IQGAP2: variants seen among roughly 807,000 people sequenced by gnomAD.
IQGAP2 encodes IQ motif containing GTPase activating protein 2, also known as ras GTPase-activating-like protein IQGAP2.
In IQGAP2, 173 loss-of-function variants were observed where a neutral mutation model predicts 201.3. That is an observed-to-expected ratio of 0.86 (90% CI 0.76 to 0.98). The LOEUF is 0.98. IQGAP2 is among the 50% of genes least tolerant of loss of function. The pLI is 0.00. For missense variants in IQGAP2, 1,687 were observed against 1,864.8 expected (o/e 0.90, Z 1.76); for synonymous variants, 675 against 673.9 (o/e 1.00, Z -0.03).
At chr5:76,496,356 G>A (rs1756890151) in intron 2 of IQGAP2, among the ~76,000 whole-genome samples, 1 of 152,132 alleles carries the variant, frequency 6.6e-6, no homozygotes, top group Non-Finnish European at 1.5e-5. Context: ...CTCATGTGGC[G>A]GTCAGCAACA....
chr5:76,582,918 G>A (rs1042058238), intron 5 of IQGAP2, among the ~76,000 whole-genome samples: 8 of 152,208 alleles, frequency 5.3e-5, no homozygotes, highest in South Asian at 2.1e-4. Context: ...TCAATGAGTC[G>A]GTAGCTACCT....
At chr5:76,469,450 CA>C (rs1237330626) in intron 2 of IQGAP2, among the ~76,000 whole-genome samples, 1 of 151,456 alleles carries the variant, frequency 6.6e-6, no homozygotes, top group Non-Finnish European at 1.5e-5. Context: ...AGCTGGAATG[CA>C]GTGCAGTGGT....
At chr5:76,448,113 C>T (rs1304361885) in intron 1 of IQGAP2, among the ~76,000 whole-genome samples, 2 of 152,172 alleles carry the variant, frequency 1.3e-5, no homozygotes, top group Non-Finnish European at 2.9e-5. Flanking sequence ...AGTCAGACTG[C>T]TGCATGGCTG....
Position 76,698,110 on chromosome 5 carries a change from A to G in IQGAP2, c.4330A>G (p.Thr1444Ala), listed in dbSNP as rs768104807. ...TGAAGAGCAAATCAATTATTATGAC[A>G]CCTACATAAAGACTTGTTTAGACAA... ...FYEEQINYYD[T>A]YIKTCLDNLK... The change falls in exon 33 of 36, where the codon ACC becomes GCC. Residue 1444 changes from threonine (T) to alanine (A), a missense_variant. Physicochemically the swap from Thr to Ala is moderately conservative, Grantham distance 58 (BLOSUM62 0). Coordinates refer to ENST00000274364, the MANE Select transcript of IQGAP2 (RefSeq NM_006633.5). 10 of 1,607,982 alleles carry G rather than the reference A, an allele frequency of 6.2e-6. No homozygotes were observed. Among genetic ancestry groups the G allele is most frequent in the Non-Finnish European group, 7.7e-6 (9 of 1,174,992 alleles).
At chr5:76,490,987 C>CTT (rs767214200) in intron 2 of IQGAP2, among the ~76,000 whole-genome samples, 40 of 112,988 alleles carry the variant, frequency 3.5e-4, no homozygotes, top group African/African-American at 6.4e-4. Context: ...AGATTTTCAT[C>CTT]TTTTTTTTTT....
chr5:76,414,959 G>T (rs1751332632), intron 1 of IQGAP2, among the ~76,000 whole-genome samples: 1 of 152,188 alleles, frequency 6.6e-6, no homozygotes, highest in Non-Finnish European at 1.5e-5. Context: ...CTCTGAAAAC[G>T]TGTACCTTTC....
intron 2 of IQGAP2, among the ~76,000 whole-genome samples, chr5:76,552,901 C>T (rs1466342003): frequency 6.6e-6 from 1 of 152,126 alleles, no homozygotes; most frequent in African/African-American, 2.4e-5. Context: ...TGATTCTTTT[C>T]ATGGTATTGT....
At chr5:76,458,590 A>G (rs1754233685) in intron 1 of IQGAP2, among the ~76,000 whole-genome samples, 1 of 152,180 alleles carries the variant, frequency 6.6e-6, no homozygotes. Context: ...GTGTGTAGTT[A>G]GAAAGTCAGT....
Position 76,641,079 on chromosome 5 carries a change from AG to A in IQGAP2, c.2071del (p.Glu691LysfsTer35), listed in dbSNP as rs1561540865. 6.2e-7 allele frequency: 1 copy of A among 1,604,152 alleles called. No homozygotes were observed. Among genetic ancestry groups the A allele is most frequent in the Non-Finnish European group, 8.5e-7 (1 of 1,171,882 alleles). ...CTAGAAAATCATTTTTGCATGAACA[AG>A]AAGAGAATGTGGTCAAAATACAGGT... ...EARKSFLHEQ[E>X]ENVVKIQAFW... is the part of the protein sequence containing the mutation. On this transcript the variant is annotated frameshift_variant, in exon 17 of 36. Coordinates refer to ENST00000274364, the MANE Select transcript of IQGAP2 (RefSeq NM_006633.5). LOFTEE classifies it high-confidence loss of function.
chr5:76,449,651 G>T (rs1444083159), intron 1 of IQGAP2, among the ~76,000 whole-genome samples: 1 of 152,154 alleles, frequency 6.6e-6, no homozygotes, highest in African/African-American at 2.4e-5. Flanking sequence ...TGCACCTAGT[G>T]GACCATTAGT....
Position 76,654,215 on chromosome 5 carries a change from C to T in IQGAP2, c.2194C>T (p.Arg732Ter), listed in dbSNP as rs373704383. ...DSIVKIQSWF[R>*]MATARKSYLS... ...AACCTTTCAGATTCAGTCCTGGTTC[C>T]GAATGGCAACTGCAAGAAAGAGCTA... is the stretch of plus-strand genomic sequence containing the variant. Residue 732 changes from arginine to a stop codon, truncating the protein, a stop_gained, in exon 19 of 36, where the codon CGA becomes TGA. Transcript: ENST00000274364. LOFTEE classifies it high-confidence loss of function. 21 of 1,608,270 alleles carry T rather than the reference C, an allele frequency of 1.3e-5. No homozygotes were observed. Among genetic ancestry groups the T allele is most frequent in the East Asian group, 4.5e-5 (2 of 44,666 alleles).
At chr5:76,649,220 G>T (rs1752320897) in intron 17 of IQGAP2, among the ~76,000 whole-genome samples, 1 of 152,060 alleles carries the variant, frequency 6.6e-6, no homozygotes, top group Non-Finnish European at 1.5e-5. Flanking sequence ...CCAGAAGGAA[G>T]TACAACATTT....
chr5:76,550,002 C>G (rs777731961), intron 2 of IQGAP2, among the ~76,000 whole-genome samples: 1 of 152,180 alleles, frequency 6.6e-6, no homozygotes, highest in African/African-American at 2.4e-5. Context: ...ACAACCTAAG[C>G]CTTAACCCAT....
rs1358675646 is a variant in IQGAP2 at position 76,403,683 on chromosome 5, G to A, written c.46+92G>A. On this transcript the variant is annotated intron_variant, in intron 1 of 35. Transcript: ENST00000274364. This position sits in a 1 kb window ranked among gnomAD's most constrained non-coding sequence, Gnocchi z 4.8. The stretch of plus-strand genomic sequence containing the variant: ...GAGAAGCCGAGGGAGCCGGTTGCGC[G>A]GCGCAGAGGAAATTGGAAGGCAGCA... 8.7e-7 allele frequency: 1 copy of A among 1,144,284 alleles called. No individual in the cohort carries two copies. Among genetic ancestry groups the A allele is most frequent in the Non-Finnish European group, 1.2e-6 (1 of 854,132 alleles). The allele number at this position is 1,144,284 out of a possible 1,614,324, so 70.9% of individuals were successfully genotyped here.
chr5:76,550,223 A>C (rs550970205), intron 2 of IQGAP2, among the ~76,000 whole-genome samples: 2 of 152,358 alleles, frequency 1.3e-5, no homozygotes, highest in East Asian at 3.9e-4. Context: ...GGAAGGAAGA[A>C]AAAAGGGTCA....
chr5:76,437,032 C>T (rs1371712396), intron 1 of IQGAP2, among the ~76,000 whole-genome samples: 2 of 151,736 alleles, frequency 1.3e-5, no homozygotes, highest in Non-Finnish European at 2.9e-5. Context: ...GGGTTGAAGC[C>T]CCTTGATTAT....
At chr5:76,515,074 G>T (rs1166969468) in intron 2 of IQGAP2, among the ~76,000 whole-genome samples, 1 of 152,160 alleles carries the variant, frequency 6.6e-6, no homozygotes, top group East Asian at 1.9e-4. Flanking sequence ...GCCCTACTTT[G>T]ACTGCTCTAC....
intron 2 of IQGAP2, among the ~76,000 whole-genome samples, chr5:76,476,217 C>T (rs188378249): frequency 6.6e-6 from 1 of 152,052 alleles, no homozygotes; most frequent in East Asian, 1.9e-4. Context: ...TTGAAGCCAC[C>T]CAGCAGAGGC....
chr5:76,649,219 A>G (rs148190204), intron 17 of IQGAP2, among the ~76,000 whole-genome samples: 67 of 152,354 alleles, frequency 4.4e-4, no homozygotes, highest in African/African-American at 1.4e-3. Context: ...GCCAGAAGGA[A>G]GTACAACATT....
Sources: gnomAD v4.1 joint callset for allele counts (sites outside exome capture counted in the v4.1 genomes callset) on GRCh38, gnomAD v4.1.1 for gene constraint, Gnocchi (gnomAD v3.1) non-coding constraint, MANE v1.5 for transcripts, NCBI Gene and HGNC (gene_info 2026-07-23, HGNC 2026-07-21) for gene names.